Variants in NCAM2 observed in about 807,000 individuals in gnomAD.
NCAM2 encodes the protein neural cell adhesion molecule 2, also known as N-CAM-2.
A neutral mutation model predicts 98.1 loss-of-function variants in NCAM2; 30 were observed. The observed-to-expected ratio is 0.31, with a 90% CI of 0.23 to 0.41. The LOEUF (loss-of-function observed/expected upper bound fraction) is 0.41, where lower values mean the gene tolerates loss of function less well. Among genes scored for constraint, NCAM2 ranks in the 10% least tolerant of loss-of-function variants. The pLI, the probability that NCAM2 is intolerant of heterozygous loss-of-function variation, is 1.00. For missense variants in NCAM2, 867 were observed against 1,005.8 expected (o/e 0.86, Z 1.87); for synonymous variants, 368 against 342.4 (o/e 1.07, Z -0.83).
chr21:21,454,235 A>C (rs1050136424), intron 12 of NCAM2, among the ~76,000 whole-genome samples: 1 of 145,866 alleles, frequency 6.9e-6, no homozygotes, highest in African/African-American at 2.6e-5. Context: ...GGAAGTGAGA[A>C]TATAATCACA....
chr21:21,344,665 A>G (rs956025241), intron 8 of NCAM2, among the ~76,000 whole-genome samples: 26 of 152,162 alleles, frequency 1.7e-4, no homozygotes, highest in African/African-American at 5.8e-4. Flanking sequence ...TCTGACTCCT[A>G]GACAGCACCT....
chr21:21,064,074 G>T (rs2065381146), intron 1 of NCAM2, among the ~76,000 whole-genome samples: 1 of 152,150 alleles, frequency 6.6e-6, no homozygotes. Context: ...TAAGTAGAAG[G>T]AGCAGAGTGT....
intron 15 of NCAM2, among the ~76,000 whole-genome samples, chr21:21,503,028 TATA>T (rs988836587): frequency 5.9e-5 from 9 of 151,982 alleles, no homozygotes; most frequent in Admixed American, 2.0e-4. Context: ...TATTATCAAA[TATA>T]ATACATTTCA....
chr21:21,396,867 A>G (rs2076520112), intron 9 of NCAM2, among the ~76,000 whole-genome samples: 1 of 152,172 alleles, frequency 6.6e-6, no homozygotes, highest in South Asian at 2.1e-4. Flanking sequence ...GGCTCCCAGA[A>G]GGACCACAGC....
At chr21:21,259,407 T>C (rs949366637) in intron 1 of NCAM2, among the ~76,000 whole-genome samples, 6 of 151,410 alleles carry the variant, frequency 4.0e-5, no homozygotes, top group Non-Finnish European at 8.9e-5. Flanking sequence ...GGAAGAGGAT[T>C]TCTATCTTTC....
intron 11 of NCAM2, among the ~76,000 whole-genome samples, chr21:21,422,852 A>G (rs2826830): frequency 0.19 from 28,731 of 152,090 alleles, 3,003 homozygotes; most frequent in East Asian, 0.32. Context: ...TCTTGAATCA[A>G]ATTAAAGTTG....
intron 5 of NCAM2, among the ~76,000 whole-genome samples, chr21:21,292,785 C>G (rs983602124): frequency 1.3e-5 from 2 of 151,874 alleles, no homozygotes; most frequent in Admixed American, 6.6e-5. Flanking sequence ...TTACAGTTAT[C>G]TTGGCTGTCT....
intron 11 of NCAM2, among the ~76,000 whole-genome samples, chr21:21,429,746 A>G (rs2077288936): frequency 6.6e-6 from 1 of 152,176 alleles, no homozygotes; most frequent in Non-Finnish European, 1.5e-5. Context: ...TAGTTCTAAG[A>G]CTTTTGGATG....
chr21:21,285,811 G>A (rs1469452413), intron 3 of NCAM2, among the ~76,000 whole-genome samples: 1 of 151,760 alleles, frequency 6.6e-6, no homozygotes, highest in Admixed American at 6.6e-5. Flanking sequence ...GGAATCCTAT[G>A]GAAAATAAAT....
intron 16 of NCAM2, among the ~76,000 whole-genome samples, chr21:21,529,643 C>T (rs1042615929): frequency 6.6e-6 from 1 of 151,854 alleles, no homozygotes; most frequent in Non-Finnish European, 1.5e-5. Context: ...TACATTCTGG[C>T]AGGGTGTGCT....
chr21:21,428,272 T>A (rs1164326855), intron 11 of NCAM2, among the ~76,000 whole-genome samples: 1 of 152,192 alleles, frequency 6.6e-6, no homozygotes, highest in Admixed American at 6.5e-5. Flanking sequence ...AATGAAGGAA[T>A]AATAGTGTGT....
intron 1 of NCAM2, among the ~76,000 whole-genome samples, chr21:21,028,316 A>G (rs1950141653): frequency 6.6e-6 from 1 of 152,210 alleles, no homozygotes; most frequent in South Asian, 2.1e-4. Context: ...AATTCCAGTC[A>G]TCTTGTTATT....
In NCAM2 at chr21:21,131,279, T is replaced by TG. The variant is rs568391931; in HGVS notation, c.55+132670dup. On this transcript the variant is annotated intron_variant, in intron 1 of 17. Transcript: ENST00000400546. ...CTTTATTTCTAGGGTTTAATTTTTC[T>TG]GGGGGGGGGCTTTAATTTTTTTCAG... 8.4e-3 allele frequency among the ~76,000 whole-genome samples: 1,216 copies of TG among 144,706 alleles called. 19 individuals are homozygous for TG. The highest frequency in any genetic ancestry group is 0.014 in the African/African-American group (548 of 37,986). The allele number at this position is 144,706 out of a possible 152,430, so 94.9% of individuals were successfully genotyped here. A position where few individuals can be genotyped will look rare whatever the true frequency, so the allele number is the denominator to read the frequency against.
chr21:21,369,868 T>C lies in NCAM2; in HGVS notation c.1045-3995T>C, dbSNP rs138097538. On this transcript the variant is annotated intron_variant, in intron 8 of 17. Transcript: ENST00000400546. ...AACTCTTTCAACACAGCTTTTTTTT[T>C]CCTCAAGTTCAAGCCCACACAGTTA... Among the ~76,000 whole-genome samples, 50 of 151,900 alleles carry C rather than the reference T, an allele frequency of 3.3e-4. No homozygotes were observed. The East Asian group carries it at 5.2e-3, about 16-fold the overall frequency.
At chr21:21,355,345 A>G (rs1257466338) in intron 8 of NCAM2, among the ~76,000 whole-genome samples, 1 of 150,210 alleles carries the variant, frequency 6.7e-6, no homozygotes, top group Non-Finnish European at 1.5e-5. Flanking sequence ...GGCCGGGAAA[A>G]GGGGGTTGCA....
At chr21:21,247,048 G>A (rs188707776) in intron 1 of NCAM2, among the ~76,000 whole-genome samples, 5 of 151,952 alleles carry the variant, frequency 3.3e-5, no homozygotes, top group East Asian at 3.9e-4. Flanking sequence ...GACTAGGCGC[G>A]TTGGCTCACG....
At chr21:21,078,152 A>G (rs970015383) in intron 1 of NCAM2, among the ~76,000 whole-genome samples, 4 of 152,174 alleles carry the variant, frequency 2.6e-5, no homozygotes, top group Non-Finnish European at 5.9e-5. Flanking sequence ...CTAACCTATA[A>G]CAAAATAGAA....
chr21:21,384,786 A>G (rs1240936059), intron 9 of NCAM2, among the ~76,000 whole-genome samples: 1 of 152,094 alleles, frequency 6.6e-6, no homozygotes, highest in Non-Finnish European at 1.5e-5. Flanking sequence ...ATACTTAAGT[A>G]GAAAGTAATA....
chr21:21,443,025 T>G (rs1435323344), intron 12 of NCAM2, among the ~76,000 whole-genome samples: 1 of 152,122 alleles, frequency 6.6e-6, no homozygotes, highest in Non-Finnish European at 1.5e-5. Context: ...CTATAAATTT[T>G]CCTCTACACG....
Sources: gnomAD v4.1 joint callset for allele counts (sites outside exome capture counted in the v4.1 genomes callset) on GRCh38, gnomAD v4.1.1 for gene constraint, MANE v1.5 for transcripts, NCBI Gene and HGNC (gene_info 2026-07-23, HGNC 2026-07-21) for gene names.